CCDC171: variants seen among roughly 807,000 people sequenced by gnomAD.
The protein encoded by CCDC171 is coiled-coil domain-containing protein 171.
In CCDC171, 177 loss-of-function variants were observed where a neutral mutation model predicts 168.2. The ratio of observed to expected loss-of-function variants is 1.05; its 90% CI spans 0.93 to 1.19. The LOEUF is 1.19. Among genes scored for constraint, CCDC171 ranks in the 50% most tolerant of loss-of-function variants. CCDC171 has a pLI of 0.00. For synonymous variants in CCDC171, 687 were observed against 540.8 expected (o/e 1.27, Z -3.75); for missense variants, 1,991 against 1,539.0 (o/e 1.29, Z -4.91).
intron 24 of CCDC171, among the ~76,000 whole-genome samples, chr9:15,910,619 C>A (rs1020549851): frequency 6.6e-6 from 1 of 151,962 alleles, no homozygotes; most frequent in Non-Finnish European, 1.5e-5. Flanking sequence ...CATAGGTATA[C>A]CTGTGCCATG....
Position 15,925,510 on chromosome 9 carries a change from C to G in CCDC171, c.3753+5088C>G, listed in dbSNP as rs577984187. Among the ~76,000 whole-genome samples the G allele has an allele frequency of 4.0e-4, 60 of 151,658 alleles. 1 individual carries two copies. The South Asian group carries it at 0.011, about 29-fold the overall frequency. On this transcript the variant is annotated intron_variant, in intron 25 of 25. Coordinates refer to ENST00000380701, the MANE Select transcript of CCDC171 (RefSeq NM_173550.4). ...TCTTTTTCCTAAGAGCAAAGGAAAA[C>G]TCACTGAAAAATTTTAAAGGAGGAA...
At chr9:16,036,318 A>G (rs1303956773) in intron 8 of CCDC171, 3 of 152,258 alleles carry the variant, frequency 2.0e-5, no homozygotes, top group Non-Finnish European at 4.4e-5. Context: ...GCCCAAGAAC[A>G]GCCCAAAAAG....
chr9:15,779,701 T>G (rs1195727692), intron 20 of CCDC171, among the ~76,000 whole-genome samples: 7 of 152,340 alleles, frequency 4.6e-5, no homozygotes, highest in African/African-American at 1.7e-4. Flanking sequence ...AATTAGATTA[T>G]GTAGTATGAA....
intron 24 of CCDC171, among the ~76,000 whole-genome samples, chr9:15,912,654 G>C (rs540631350): frequency 6.6e-6 from 1 of 152,298 alleles, no homozygotes; most frequent in African/African-American, 2.4e-5. Flanking sequence ...TGCCCATTCA[G>C]TATGATATTG....
At chr9:15,630,470 A>C (rs1241276598) in intron 7 of CCDC171, among the ~76,000 whole-genome samples, 1 of 152,218 alleles carries the variant, frequency 6.6e-6, no homozygotes, top group Non-Finnish European at 1.5e-5. Context: ...CAACAAGAAG[A>C]GCTAACTATC....
Position 15,744,471 on chromosome 9 carries a change from A to G in CCDC171, c.2248A>G (p.Thr750Ala). 6.2e-7 allele frequency: 1 copy of G among 1,614,184 alleles called. No homozygotes were observed. ...PLYSRSCALS[T>A]QRDFLQEQVN... ...CTATAGCCGATCATGCGCCTTGTCTACACAGAGAGATTTTCTCCAGGAGCA... is the reference window on the plus strand; with the variant it reads ...CTATAGCCGATCATGCGCCTTGTCTGCACAGAGAGATTTTCTCCAGGAGCA... The change falls in exon 17 of 26, where the codon ACA becomes GCA. Residue 750 changes from threonine to alanine, a missense_variant. Coordinates refer to ENST00000380701, the MANE Select transcript of CCDC171 (RefSeq NM_173550.4).
chr9:15,966,776 C>T (rs1025022295), intron 25 of CCDC171, among the ~76,000 whole-genome samples: 1 of 152,048 alleles, frequency 6.6e-6, no homozygotes. Context: ...TAATGACTTA[C>T]AGGGAGAAGA....
At chr9:15,578,174 A>G (rs985737058) in intron 3 of CCDC171, among the ~76,000 whole-genome samples, 36 of 151,756 alleles carry the variant, frequency 2.4e-4, no homozygotes, top group African/African-American at 8.2e-4. Flanking sequence ...TGAATTTTTA[A>G]GTGCTTAGTA....
intron 25 of CCDC171, among the ~76,000 whole-genome samples, chr9:15,960,218 G>T (rs780554583): frequency 6.6e-6 from 1 of 152,152 alleles, no homozygotes; most frequent in Non-Finnish European, 1.5e-5. Flanking sequence ...TATTTCAACA[G>T]ATTATAATTT....
At chr9:16,041,052 GAC>G (rs1833563603), upstream of CCDC171, among the ~76,000 whole-genome samples, 1 of 152,174 alleles carries the variant, frequency 6.6e-6, no homozygotes, top group Non-Finnish European at 1.5e-5. Context: ...AGGGTATAAA[GAC>G]AGAATTGGGT....
chr9:15,908,354 A>G (rs1823049662), intron 24 of CCDC171, among the ~76,000 whole-genome samples: 2 of 152,214 alleles, frequency 1.3e-5, no homozygotes, highest in African/African-American at 4.8e-5. Flanking sequence ...TGTCCTTTGT[A>G]GGGACATGGA....
chr9:15,808,103 T>C (rs2059159794), intron 21 of CCDC171, among the ~76,000 whole-genome samples: 1 of 152,068 alleles, frequency 6.6e-6, no homozygotes, highest in Non-Finnish European at 1.5e-5. Context: ...GAAATCCATT[T>C]CTCTTTGATG....
chr9:15,762,883 TGGAG>T (rs2056528627), intron 18 of CCDC171, among the ~76,000 whole-genome samples: 1 of 152,166 alleles, frequency 6.6e-6, no homozygotes, highest in Non-Finnish European at 1.5e-5. Flanking sequence ...TTTATAAAAA[TGGAG>T]TCATACAGTG....
the CCDC171 span, among the ~76,000 whole-genome samples, chr9:16,070,670 C>T: frequency 6.6e-6 from 1 of 152,160 alleles, no homozygotes; most frequent in Non-Finnish European, 1.5e-5. Context: ...GAGGAGCCGC[C>T]TGGTTTCCTC....
chr9:15,763,700 C>T (rs1292004834), intron 18 of CCDC171, among the ~76,000 whole-genome samples: 1 of 152,188 alleles, frequency 6.6e-6, no homozygotes, highest in Non-Finnish European at 1.5e-5. Flanking sequence ...TTCATCTGCT[C>T]AGCATAATGT....
chr9:15,600,753 G>A (rs2131635425), intron 6 of CCDC171, among the ~76,000 whole-genome samples: 1 of 152,340 alleles, frequency 6.6e-6, no homozygotes, highest in East Asian at 1.9e-4. Context: ...ACAGAGGCAG[G>A]CAGGCCTCCT....
chr9:15,940,968 G>A (rs773052275), intron 25 of CCDC171, among the ~76,000 whole-genome samples: 4 of 151,916 alleles, frequency 2.6e-5, no homozygotes, highest in Non-Finnish European at 1.5e-5. Flanking sequence ...GACTGTAAAA[G>A]GTGGAGATTG....
intron 6 of CCDC171, among the ~76,000 whole-genome samples, chr9:15,618,518 A>C (rs2044262044): frequency 6.6e-6 from 1 of 152,086 alleles, no homozygotes; most frequent in Non-Finnish European, 1.5e-5. Flanking sequence ...CCCTTTCCAG[A>C]GGAGTGGACG....
At position 15,799,954 on chromosome 9, in the gene CCDC171, T is replaced by C. The variant is rs146253651; in HGVS notation, c.3267+15260T>C. Among the ~76,000 whole-genome samples, 259 of 152,282 alleles carry C rather than the reference T, an allele frequency of 1.7e-3. 1 individual carries two copies. Among genetic ancestry groups the C allele is most frequent in the Non-Finnish European group, 2.0e-3 (134 of 67,986 alleles). On this transcript the variant is annotated intron_variant, in intron 21 of 25. Coordinates refer to ENST00000380701, the MANE Select transcript of CCDC171 (RefSeq NM_173550.4). Reference sequence around the variant, plus strand: ...CTATGTTGTTGCAAATGACAAGATCTCATTCTCTCTTATGGCTGCGTAATA... The same window carrying C: ...CTATGTTGTTGCAAATGACAAGATCCCATTCTCTCTTATGGCTGCGTAATA...
Sources: allele counts gnomAD v4.1 joint callset (sites outside exome capture counted in the v4.1 genomes callset), GRCh38; gene constraint gnomAD v4.1.1; transcripts MANE v1.5; gene names NCBI Gene and HGNC (gene_info 2026-07-23, HGNC 2026-07-21).